EIF4G3: variants seen among roughly 807,000 people sequenced by gnomAD.
The protein encoded by EIF4G3 is eIF-4-gamma 3.
In EIF4G3, 34 loss-of-function variants were observed where a neutral mutation model predicts 186.4. The ratio of observed to expected loss-of-function variants is 0.18; its 90% CI spans 0.14 to 0.24. EIF4G3 has a LOEUF of 0.24. Ranked by LOEUF, EIF4G3 falls within the 10% of genes least tolerant of loss-of-function variation. The pLI is 1.00. For missense variants in EIF4G3, 1,536 were observed against 1,948.5 expected (o/e 0.79, Z 3.99); for synonymous variants, 673 against 679.5 (o/e 0.99, Z 0.15).
At chr1:20,861,923 G>A (rs1180107190) in intron 23 of EIF4G3, among the ~76,000 whole-genome samples, 3 of 151,898 alleles carry the variant, frequency 2.0e-5, no homozygotes, top group Admixed American at 6.6e-5. Flanking sequence ...GCAGTGAGCC[G>A]AGATTGAGCC....
At chr1:21,014,823 G>A (rs770989266) in intron 4 of EIF4G3, among the ~76,000 whole-genome samples, 1 of 151,846 alleles carries the variant, frequency 6.6e-6, no homozygotes, top group African/African-American at 2.4e-5. Context: ...TAGTAGAGAC[G>A]GGGTTTTTGC....
chr1:21,008,607 G>C (rs1445504568), intron 4 of EIF4G3, among the ~76,000 whole-genome samples: 1 of 152,158 alleles, frequency 6.6e-6, no homozygotes, highest in Non-Finnish European at 1.5e-5. Context: ...CCAAAGTGCT[G>C]GGATTATAGG....
intron 4 of EIF4G3, among the ~76,000 whole-genome samples, chr1:21,030,257 T>C (rs549227231): frequency 6.6e-6 from 1 of 152,264 alleles, no homozygotes; most frequent in African/African-American, 2.4e-5. Context: ...CCAAATCTCA[T>C]CTTGTAAGCT....
intron 12 of EIF4G3, among the ~76,000 whole-genome samples, chr1:20,962,219 T>C (rs1162300532): frequency 6.6e-6 from 1 of 152,174 alleles, no homozygotes; most frequent in Non-Finnish European, 1.5e-5. Context: ...TGTGTATAAC[T>C]TTTGACTCCC....
intron 30 of EIF4G3, among the ~76,000 whole-genome samples, chr1:20,839,347 G>A (rs1223935038): frequency 3.3e-5 from 5 of 152,038 alleles, no homozygotes; most frequent in Admixed American, 6.6e-5. Flanking sequence ...TCCTGACCTC[G>A]TGATCTGCCC....
Position 21,176,231 on chromosome 1 carries a change from T to TGCCGCA in EIF4G3, c.-329_-328insTGCGGC. 1 of 345,888 alleles carries TGCCGCA rather than the reference T, an allele frequency of 2.9e-6. No homozygotes were observed. The highest frequency in any genetic ancestry group is 8.6e-5 in the South Asian group (1 of 11,672). 21.4% of individuals were successfully genotyped at this position (345,888 alleles called of 1,614,324 possible). A position where few individuals can be genotyped will look rare whatever the true frequency, so the allele number is the denominator to read the frequency against. On this transcript the variant is annotated 5_prime_UTR_variant, in exon 2 of 37. Transcript: ENST00000602326. ...TGTTCGGGTGAGGAGGGGGGACCGC[T>TGCCGCA]GCCGCCGCCGCCGCCGCCGCCGCCG...
At chr1:20,820,190 T>G (rs2061985074) in intron 33 of EIF4G3, among the ~76,000 whole-genome samples, 1 of 151,826 alleles carries the variant, frequency 6.6e-6, no homozygotes. Flanking sequence ...GCAGGCAGGA[T>G]CTCCCCTCCT....
intron 4 of EIF4G3, among the ~76,000 whole-genome samples, chr1:21,009,633 T>G (rs1557484358): frequency 6.6e-6 from 1 of 151,108 alleles, no homozygotes; most frequent in Non-Finnish European, 1.5e-5. Flanking sequence ...GAGAACTGTC[T>G]TCTTCTTCTT....
At chr1:20,921,063 A>G (rs1236021212) in intron 14 of EIF4G3, among the ~76,000 whole-genome samples, 1 of 152,184 alleles carries the variant, frequency 6.6e-6, no homozygotes, top group Non-Finnish European at 1.5e-5. Context: ...GGTGTGTTTG[A>G]AAATTCTAAG....
At chr1:20,917,327 C>T (rs2093990399) in intron 14 of EIF4G3, among the ~76,000 whole-genome samples, 1 of 152,160 alleles carries the variant, frequency 6.6e-6, no homozygotes, top group Admixed American at 6.5e-5. Flanking sequence ...GAAACGGTCT[C>T]TACAAACAAC....
rs189639349 is a variant in EIF4G3 at position 21,158,762 on chromosome 1, A to C, written c.-272+17413T>G. On this transcript the variant is annotated intron_variant, in intron 2 of 36. Coordinates refer to ENST00000602326, the MANE Select transcript of EIF4G3 (RefSeq NM_001391906.1). ...ACATACACACACACACTCTCTCTCT[A>C]TATATATAGGTGTTCATCCATGGGT... Among the ~76,000 whole-genome samples, 455 of 152,112 alleles carry C rather than the reference A, an allele frequency of 3.0e-3. 2 individuals carry two copies. Among genetic ancestry groups the C allele is most frequent in the Middle Eastern group, 0.014 (4 of 294 alleles).
chr1:21,022,254 G>T (rs889320484), intron 4 of EIF4G3, among the ~76,000 whole-genome samples: 15 of 152,154 alleles, frequency 9.9e-5, no homozygotes, highest in Admixed American at 7.2e-4. Context: ...TTATTTATAA[G>T]GGAAAGCACT....
intron 14 of EIF4G3, among the ~76,000 whole-genome samples, chr1:20,917,186 T>C (rs1026906083): frequency 4.6e-5 from 7 of 152,148 alleles, no homozygotes; most frequent in Non-Finnish European, 1.5e-5. Context: ...ACAACATATA[T>C]AAACATGCTG....
chr1:20,983,323 A>C (rs1157447609), intron 7 of EIF4G3, among the ~76,000 whole-genome samples: 1 of 152,184 alleles, frequency 6.6e-6, no homozygotes, highest in Non-Finnish European at 1.5e-5. Context: ...AAAGCACAGG[A>C]GGCAAAGTTG....
chr1:21,123,805 T>C (rs1229888679), intron 2 of EIF4G3, among the ~76,000 whole-genome samples: 1 of 152,102 alleles, frequency 6.6e-6, no homozygotes, highest in Non-Finnish European at 1.5e-5. Context: ...ACACAAACCT[T>C]ATCCAGTGCT....
intron 12 of EIF4G3, among the ~76,000 whole-genome samples, chr1:20,956,598 T>C (rs2096426155): frequency 9.7e-6 from 1 of 102,714 alleles, no homozygotes; most frequent in African/African-American, 3.8e-5. Flanking sequence ...GCAACTTAGG[T>C]AGACTACAGT....
intron 33 of EIF4G3, among the ~76,000 whole-genome samples, chr1:20,823,676 TTTC>T (rs2062939512): frequency 1.3e-5 from 2 of 151,758 alleles, no homozygotes; most frequent in Non-Finnish European, 2.9e-5. Flanking sequence ...CACCCAACCT[TTTC>T]TTTTCTTTTC....
chr1:20,807,755 GTTTTTTTTTTTTTTTT>G (rs67864326), intron 36 of EIF4G3, among the ~76,000 whole-genome samples: 4 of 63,870 alleles, frequency 6.3e-5, no homozygotes, highest in Non-Finnish European at 1.1e-4. Flanking sequence ...CTTTTTTTCT[GTTTTTTTTTTTTTTTT>G]TTTTTTTTTT....
intron 2 of EIF4G3, among the ~76,000 whole-genome samples, chr1:21,140,510 C>T (rs1021139763): frequency 1.8e-4 from 28 of 152,320 alleles, no homozygotes; most frequent in African/African-American, 6.7e-4. Context: ...GATGGGGTTT[C>T]ACCATATGCC....
Sources: gnomAD v4.1 joint callset for allele counts (sites outside exome capture counted in the v4.1 genomes callset) on GRCh38, gnomAD v4.1.1 for gene constraint, MANE v1.5 for transcripts, NCBI Gene and HGNC (gene_info 2026-07-23, HGNC 2026-07-21) for gene names.